SGCD: variants seen among roughly 807,000 people sequenced by gnomAD.
The protein encoded by SGCD is delta-sarcoglycan.
In SGCD, 18 loss-of-function variants were observed where a neutral mutation model predicts 36.6. The observed-to-expected ratio is 0.49, with a 90% CI of 0.34 to 0.73. The LOEUF (loss-of-function observed/expected upper bound fraction) is 0.73, where lower values mean the gene tolerates loss of function less well. Among genes scored for constraint, SGCD ranks in the 30% least tolerant of loss-of-function variants. The probability of loss-of-function intolerance (pLI) is 0.01; values close to 1 mark genes in which losing one functional copy is unlikely to be tolerated. For missense variants in SGCD, 387 were observed against 346.7 expected (o/e 1.12, Z -0.92); for synonymous variants, 133 against 130.6 (o/e 1.02, Z -0.12).
intron 6 of SGCD, among the ~76,000 whole-genome samples, chr5:156,621,936 A>G (rs1439271307): frequency 6.6e-6 from 1 of 152,174 alleles, no homozygotes; most frequent in Non-Finnish European, 1.5e-5. Flanking sequence ...CATGTATGAG[A>G]AAACTGACAA....
intron 6 of SGCD, among the ~76,000 whole-genome samples, chr5:156,607,340 G>A (rs2113442246): frequency 6.6e-6 from 1 of 152,256 alleles, no homozygotes; most frequent in South Asian, 2.1e-4. Context: ...TTATATGCTG[G>A]ATTATATTTA....
Position 156,075,516 on chromosome 5 carries a change from G to A in SGCD, c.-281-42362G>A, listed in dbSNP as rs1760751763. 2.6e-5 allele frequency among the ~76,000 whole-genome samples: 4 copies of A among 152,212 alleles called. No individual in the cohort carries two copies. The South Asian group carries it at 8.3e-4, about 32-fold the overall frequency. On this transcript the variant is annotated intron_variant, in intron 1 of 9. Coordinates refer to the SGCD transcript ENST00000517913. ...GGAATAATCCAAACCCAGATTGAGG[G>A]CCCAGGAACATCAGGATTTAAGGGT...
At chr5:156,080,766 G>T (rs973160584) in intron 1 of SGCD, among the ~76,000 whole-genome samples, 3 of 152,148 alleles carry the variant, frequency 2.0e-5, no homozygotes, top group Non-Finnish European at 2.9e-5. Context: ...TCATCAGCCT[G>T]GTTTTCACTG....
At chr5:155,956,731 C>T (rs891912) in intron 1 of SGCD, among the ~76,000 whole-genome samples, 39,418 of 151,796 alleles carry the variant, frequency 0.26, 6,066 homozygotes, top group Admixed American at 0.4. Context: ...CTACCTCCAC[C>T]TTCACATGGC....
At chr5:156,547,531 C>T (rs1262003628) in intron 4 of SGCD, among the ~76,000 whole-genome samples, 1 of 151,960 alleles carries the variant, frequency 6.6e-6, no homozygotes, top group African/African-American at 2.4e-5. Context: ...CGAGCTCCGC[C>T]TCCCGGGTTC....
intron 3 of SGCD, among the ~76,000 whole-genome samples, chr5:156,168,371 CAAA>C (rs76065330): frequency 1.4e-5 from 2 of 145,316 alleles, no homozygotes; most frequent in African/African-American, 2.5e-5. Flanking sequence ...CCTATCTCTA[CAAA>C]AAAAAAAAAA....
chr5:156,528,626 G>A (rs1757742859), intron 4 of SGCD, among the ~76,000 whole-genome samples: 2 of 152,170 alleles, frequency 1.3e-5, no homozygotes, highest in South Asian at 4.1e-4. Flanking sequence ...GGCACGAGCA[G>A]CTATGTGGTG....
the SGCD span, among the ~76,000 whole-genome samples, chr5:155,756,547 AGTT>A: frequency 9.9e-5 from 15 of 152,142 alleles, no homozygotes; most frequent in Admixed American, 9.2e-4. Context: ...CCATCCCTAG[AGTT>A]GTTGTAGGGA....
chr5:155,852,894 T>G, the SGCD span, among the ~76,000 whole-genome samples: 1 of 152,126 alleles, frequency 6.6e-6, no homozygotes, highest in Non-Finnish European at 1.5e-5. Context: ...CTAGCTCATG[T>G]GGTCTGAATC....
At chr5:156,409,675 AG>A (rs1320772895) in intron 3 of SGCD, among the ~76,000 whole-genome samples, 1 of 152,314 alleles carries the variant, frequency 6.6e-6, no homozygotes, top group Admixed American at 6.5e-5. Context: ...GTTTCCTAAT[AG>A]GTAATAGAAA....
intron 3 of SGCD, among the ~76,000 whole-genome samples, chr5:156,286,426 A>C (rs923774888): frequency 6.6e-6 from 1 of 152,212 alleles, no homozygotes; most frequent in Admixed American, 6.5e-5. Flanking sequence ...AACCACCCCA[A>C]ATGTCCAACA....
intron 3 of SGCD, among the ~76,000 whole-genome samples, chr5:156,403,119 C>T (rs1772238597): frequency 6.6e-6 from 1 of 152,040 alleles, no homozygotes; most frequent in Admixed American, 6.5e-5. Context: ...GTCCCAAATC[C>T]ACATCTCCTC....
chr5:156,193,599 T>C (rs975158489), intron 3 of SGCD, among the ~76,000 whole-genome samples: 1 of 152,134 alleles, frequency 6.6e-6, no homozygotes, highest in Non-Finnish European at 1.5e-5. Flanking sequence ...GTGCCCTGGA[T>C]GAACAGTGTG....
chr5:155,745,512 A>G, the SGCD span, among the ~76,000 whole-genome samples: 1 of 152,122 alleles, frequency 6.6e-6, no homozygotes, highest in Non-Finnish European at 1.5e-5. Flanking sequence ...ATTTTATTAC[A>G]TACTTCAAAG....
At chr5:156,431,950 A>G (rs1753031604) in intron 3 of SGCD, among the ~76,000 whole-genome samples, 1 of 152,138 alleles carries the variant, frequency 6.6e-6, no homozygotes, top group Non-Finnish European at 1.5e-5. Context: ...TTCTGAACTC[A>G]GGTGATCTGC....
chr5:156,275,001 C>T (rs1159600040), intron 3 of SGCD, among the ~76,000 whole-genome samples: 2 of 152,146 alleles, frequency 1.3e-5, no homozygotes, highest in African/African-American at 2.4e-5. Context: ...CACAGGGACC[C>T]AGTGTCTCCA....
At chr5:156,511,182 G>GT (rs1756908898) in intron 4 of SGCD, among the ~76,000 whole-genome samples, 1 of 152,102 alleles carries the variant, frequency 6.6e-6, no homozygotes. Flanking sequence ...AAATAGTAAA[G>GT]TTTTATAGCC....
chr5:155,865,173 T>A, the SGCD span, among the ~76,000 whole-genome samples: 2 of 152,086 alleles, frequency 1.3e-5, no homozygotes, highest in Non-Finnish European at 2.9e-5. Context: ...CATTTAAAAA[T>A]TGATGGATTC....
intron 3 of SGCD, among the ~76,000 whole-genome samples, chr5:156,146,907 G>T (rs1168478209): frequency 6.6e-6 from 1 of 152,122 alleles, no homozygotes; most frequent in Non-Finnish European, 1.5e-5. Context: ...TTAAAAGAAG[G>T]AATATATGAC....
Sources: gnomAD v4.1 joint callset for allele counts (sites outside exome capture counted in the v4.1 genomes callset) on GRCh38, gnomAD v4.1.1 for gene constraint, MANE v1.5 for transcripts, NCBI Gene and HGNC (gene_info 2026-07-23, HGNC 2026-07-21) for gene names.